CACNA1C: variants seen among roughly 807,000 people sequenced by gnomAD.
The protein encoded by CACNA1C is calcium voltage-gated channel subunit alpha1 C.
Under a neutral mutation model 229.0 loss-of-function variants are expected in CACNA1C, and 30 were observed. That is an observed-to-expected ratio of 0.13 (90% CI 0.10 to 0.18). The LOEUF (loss-of-function observed/expected upper bound fraction) is 0.18, where lower values mean the gene tolerates loss of function less well. CACNA1C is among the 10% of genes least tolerant of loss of function. The pLI is 1.00. For missense variants in CACNA1C, 1,658 were observed against 2,845.0 expected (o/e 0.58, Z 9.49); for synonymous variants, 1,114 against 1,132.5 (o/e 0.98, Z 0.33).
chr12:2,126,409 T>C (rs1020096161), intron 3 of CACNA1C, among the ~76,000 whole-genome samples: 6 of 152,248 alleles, frequency 3.9e-5, no homozygotes, highest in African/African-American at 1.4e-4. Context: ...CTGATGTCTG[T>C]TGAACAAGCT....
intron 3 of CACNA1C, among the ~76,000 whole-genome samples, chr12:2,369,924 A>G (rs1181732162): frequency 6.6e-6 from 1 of 152,238 alleles, no homozygotes; most frequent in Non-Finnish European, 1.5e-5. Flanking sequence ...GAAAAATTAC[A>G]GAAAATTTTG....
intron 1 of CACNA1C, among the ~76,000 whole-genome samples, chr12:2,105,584 G>A (rs933657817): frequency 2.0e-5 from 3 of 150,962 alleles, no homozygotes; most frequent in African/African-American, 4.9e-5. Context: ...CGCCCACCCC[G>A]GGGAGGGTTT....
rs548208973 is a variant in CACNA1C at position 2,189,130 on chromosome 12, A to G, written c.477+68700A>G. On this transcript the variant is annotated intron_variant, in intron 3 of 46. Coordinates refer to ENST00000399655, the MANE Select transcript of CACNA1C (RefSeq NM_000719.7). ...AAAAAAAAAAAAAAGACACATTCCC[A>G]ACGTGAAGCATCAAACAGCTCAGCT... Among the ~76,000 whole-genome samples the G allele has an allele frequency of 1.1e-4, 16 of 149,368 alleles. No homozygotes were observed. The East Asian group carries it at 3.1e-3, about 29-fold the overall frequency.
intron 3 of CACNA1C, among the ~76,000 whole-genome samples, chr12:2,406,722 C>T (rs899129160): frequency 6.6e-6 from 1 of 152,194 alleles, no homozygotes; most frequent in Non-Finnish European, 1.5e-5. Flanking sequence ...CAGTAGCCAC[C>T]TAAACATTTT....
chr12:2,503,838 T>A (rs2099765815), intron 7 of CACNA1C, among the ~76,000 whole-genome samples: 1 of 152,208 alleles, frequency 6.6e-6, no homozygotes, highest in African/African-American at 2.4e-5. Context: ...CTTCTCTGAA[T>A]ACATAAACCA....
chr12:2,097,247 A>G (rs991341047), intron 1 of CACNA1C, among the ~76,000 whole-genome samples: 28 of 152,054 alleles, frequency 1.8e-4, no homozygotes, highest in East Asian at 7.7e-4. Context: ...CCAGGTTCAC[A>G]CCATTCTCCT....
chr12:2,691,009 G>A lies in CACNA1C; in HGVS notation c.6227G>A (p.Ser2076Asn). 1.2e-6 allele frequency: 2 copies of A among 1,600,276 alleles called. No homozygotes were observed. The highest frequency in any genetic ancestry group is 1.7e-6 in the Non-Finnish European group (2 of 1,173,590). Reference sequence around the variant, plus strand: ...GACATGACCATAGAGGAGATGGAGAGCGCGGCCGACAACATCCTCAGCGGG... The same window carrying A: ...GACATGACCATAGAGGAGATGGAGAACGCGGCCGACAACATCCTCAGCGGG... Reference protein sequence around the residue: ...ACDMTIEEMESAADNILSGGA... With the variant: ...ACDMTIEEMENAADNILSGGA... The change falls in exon 47 of 47, where the codon AGC becomes AAC. Residue 2076 changes from serine to asparagine, a missense_variant. Physicochemically the swap from Ser to Asn is conservative, Grantham distance 46. Coordinates refer to ENST00000399655, the MANE Select transcript of CACNA1C (RefSeq NM_000719.7).
At chr12:2,683,287 G>A (rs114293959) in intron 43 of CACNA1C, among the ~76,000 whole-genome samples, 85 of 152,322 alleles carry the variant, frequency 5.6e-4, no homozygotes, top group African/African-American at 1.9e-3. Context: ...CGTCACAAAG[G>A]TAAGCGCTGT....
At chr12:2,249,502 G>A (rs2074711258) in intron 3 of CACNA1C, among the ~76,000 whole-genome samples, 1 of 152,156 alleles carries the variant, frequency 6.6e-6, no homozygotes, top group African/African-American at 2.4e-5. Flanking sequence ...CCCTCTGATT[G>A]TAAAAGGTTT....
chr12:2,299,823 C>T (rs1267802653), intron 3 of CACNA1C, among the ~76,000 whole-genome samples: 1 of 152,030 alleles, frequency 6.6e-6, no homozygotes, highest in East Asian at 1.9e-4. Context: ...CCATGTGACC[C>T]GGACAAGGCA....
intron 3 of CACNA1C, among the ~76,000 whole-genome samples, chr12:2,308,256 ATTTT>A (rs1245264146): frequency 6.6e-6 from 1 of 151,922 alleles, no homozygotes; most frequent in African/African-American, 2.4e-5. Context: ...TCTTTTTAAA[ATTTT>A]TTTTGTTATT....
intron 3 of CACNA1C, among the ~76,000 whole-genome samples, chr12:2,423,408 A>G (rs12314486): frequency 0.026 from 3,970 of 152,248 alleles, 191 homozygotes; most frequent in African/African-American, 0.091. Flanking sequence ...AGCTCTCACA[A>G]TATGTGTGGT....
At chr12:2,219,745 T>G (rs1255919064) in intron 3 of CACNA1C, among the ~76,000 whole-genome samples, 1 of 152,186 alleles carries the variant, frequency 6.6e-6, no homozygotes, top group Non-Finnish European at 1.5e-5. Context: ...CTGGAAACAC[T>G]TGCTTTCACG....
chr12:2,628,617 C>T (rs964003210), intron 29 of CACNA1C, among the ~76,000 whole-genome samples: 3 of 152,132 alleles, frequency 2.0e-5, no homozygotes, highest in African/African-American at 7.2e-5. Context: ...TAAATAATGA[C>T]AGTGGCTGAC....
At chr12:2,139,845 C>G (rs1002131828) in intron 3 of CACNA1C, among the ~76,000 whole-genome samples, 1 of 151,268 alleles carries the variant, frequency 6.6e-6, no homozygotes, top group African/African-American at 2.4e-5. Context: ...TGAGGCCGCT[C>G]CCAGGACACA....
intron 1 of CACNA1C, chr12:1,991,629 G>T (rs1437160974): frequency 5.3e-6 from 1 of 188,204 alleles, no homozygotes; most frequent in Non-Finnish European, 1.1e-5. Context: ...CCACACTTCA[G>T]GTACTAAACG....
intron 3 of CACNA1C, among the ~76,000 whole-genome samples, chr12:2,197,319 C>T (rs1172670439): frequency 6.6e-6 from 1 of 152,184 alleles, no homozygotes; most frequent in African/African-American, 2.4e-5. Context: ...GGAAGACCTC[C>T]TTGCTGCCCC....
chr12:2,536,609 G>A (rs1218871822), intron 9 of CACNA1C, among the ~76,000 whole-genome samples: 1 of 152,160 alleles, frequency 6.6e-6, no homozygotes, highest in East Asian at 1.9e-4. Context: ...TGGGAAGATT[G>A]CTTGAGGCCA....
rs369669303 is a variant in CACNA1C, at chr12:2,453,183, A to G, written c.617+4068A>G. ...AGAGGAGCCAGAACGCCAGTCACGCAGCCAGTCTGTGCCTGGGGGCCTCCA... is the reference window on the plus strand; with the variant it reads ...AGAGGAGCCAGAACGCCAGTCACGCGGCCAGTCTGTGCCTGGGGGCCTCCA... On this transcript the variant is annotated intron_variant, in intron 4 of 46. Transcript: ENST00000399655. Among the ~76,000 whole-genome samples the G allele has an allele frequency of 3.9e-5, 6 of 152,278 alleles. No homozygotes were observed. In the East Asian group the frequency reaches 5.8e-4, roughly 15 times the overall value.
Sources: allele counts gnomAD v4.1 joint callset (sites outside exome capture counted in the v4.1 genomes callset), GRCh38; gene constraint gnomAD v4.1.1; transcripts MANE v1.5; gene names NCBI Gene and HGNC (gene_info 2026-07-23, HGNC 2026-07-21).